The following LHFPL3 variants were observed in gnomAD, a reference collection of about 807,000 sequenced individuals.
The protein encoded by LHFPL3 is LHFPL tetraspan subfamily member 3 protein.
In LHFPL3, 5 loss-of-function variants were observed where a neutral mutation model predicts 19.3. That is an observed-to-expected ratio of 0.26 (90% CI 0.14 to 0.54). LHFPL3 has a LOEUF of 0.54. Among genes scored for constraint, LHFPL3 ranks in the 20% least tolerant of loss-of-function variants. The probability of loss-of-function intolerance (pLI) is 0.94; values close to 1 mark genes in which losing one functional copy is unlikely to be tolerated. For synonymous variants in LHFPL3, 133 were observed against 126.2 expected, an observed-to-expected ratio of 1.05 and a Z score of -0.36; for missense variants, 249 against 307.4, an observed-to-expected ratio of 0.81 and a Z score of 1.42.
intron 1 of LHFPL3, among the ~76,000 whole-genome samples, chr7:104,590,989 A>T (rs1790706713): frequency 1.3e-5 from 2 of 151,830 alleles, no homozygotes; most frequent in African/African-American, 4.8e-5. Context: ...CATCCCTTTA[A>T]TTTGAGCTTG....
At chr7:104,563,936 G>A (rs188864232) in intron 1 of LHFPL3, among the ~76,000 whole-genome samples, 60 of 152,320 alleles carry the variant, frequency 3.9e-4, no homozygotes, top group Non-Finnish European at 7.2e-4. Flanking sequence ...AGCAAATGGA[G>A]TTGCATAAAC....
chr7:104,803,400 C>T (rs563048424), intron 2 of LHFPL3: 1 of 152,328 alleles, frequency 6.6e-6, no homozygotes, highest in East Asian at 1.9e-4. Flanking sequence ...GTTCCAAAAT[C>T]GTTATTAGCC....
chr7:104,726,799 G>A (rs936535165), intron 1 of LHFPL3, among the ~76,000 whole-genome samples: 2 of 152,178 alleles, frequency 1.3e-5, no homozygotes, highest in Non-Finnish European at 2.9e-5. Context: ...ACATATGCAT[G>A]CATGTGTCTT....
chr7:104,418,029 C>A (rs773155032), intron 1 of LHFPL3, among the ~76,000 whole-genome samples: 1 of 151,722 alleles, frequency 6.6e-6, no homozygotes, highest in East Asian at 1.9e-4. Context: ...ATTACAGGGA[C>A]CATGCCCAGC....
intron 2 of LHFPL3, among the ~76,000 whole-genome samples, chr7:104,798,934 G>A (rs1790188253): frequency 6.6e-6 from 1 of 152,126 alleles, no homozygotes; most frequent in South Asian, 2.1e-4. Context: ...GAATTCTTTG[G>A]TGTAAACTGA....
At chr7:104,449,522 C>T (rs903880815) in intron 1 of LHFPL3, among the ~76,000 whole-genome samples, 7 of 152,046 alleles carry the variant, frequency 4.6e-5, no homozygotes, top group Non-Finnish European at 1.0e-4. Context: ...TCCCACAAAC[C>T]ACATCAGTCC....
intron 1 of LHFPL3, among the ~76,000 whole-genome samples, chr7:104,453,883 A>G (rs1282458782): frequency 2.0e-5 from 3 of 152,144 alleles, no homozygotes; most frequent in African/African-American, 4.8e-5. Context: ...GCCTTCCACC[A>G]TAATTGTAAG....
intron 1 of LHFPL3, among the ~76,000 whole-genome samples, chr7:104,454,742 C>G (rs564027161): frequency 6.6e-6 from 1 of 152,152 alleles, no homozygotes; most frequent in Non-Finnish European, 1.5e-5. Flanking sequence ...TTGTTTCCTT[C>G]TCTACCATCT....
At chr7:104,688,571 C>A (rs527686583) in intron 1 of LHFPL3, among the ~76,000 whole-genome samples, 9 of 111,630 alleles carry the variant, frequency 8.1e-5, no homozygotes, top group African/African-American at 1.8e-4. Flanking sequence ...TCCCCACCCC[C>A]CTGTGGTGGC....
At chr7:104,641,449 C>T (rs1449998948) in intron 1 of LHFPL3, among the ~76,000 whole-genome samples, 2 of 152,128 alleles carry the variant, frequency 1.3e-5, no homozygotes, top group Admixed American at 6.5e-5. Flanking sequence ...AGGATCTGAC[C>T]GATTGCTTGT....
intron 1 of LHFPL3, among the ~76,000 whole-genome samples, chr7:104,713,447 A>G (rs1313774342): frequency 6.6e-6 from 1 of 152,210 alleles, no homozygotes; most frequent in Non-Finnish European, 1.5e-5. Flanking sequence ...GGAAAAAGGC[A>G]TGTCTTACAT....
chr7:104,607,301 T>A (rs1037145796), intron 1 of LHFPL3, among the ~76,000 whole-genome samples: 7 of 152,328 alleles, frequency 4.6e-5, no homozygotes, highest in Non-Finnish European at 1.0e-4. Flanking sequence ...CAATGTCAGA[T>A]TTTTTCTCAC....
At chr7:104,366,034 T>G (rs1421352278) in intron 1 of LHFPL3, among the ~76,000 whole-genome samples, 1 of 152,184 alleles carries the variant, frequency 6.6e-6, no homozygotes, top group African/African-American at 2.4e-5. Flanking sequence ...GACATCTAAA[T>G]GTAAGACTGG....
At chr7:104,502,006 G>A (rs1793605165) in intron 1 of LHFPL3, among the ~76,000 whole-genome samples, 1 of 152,164 alleles carries the variant, frequency 6.6e-6, no homozygotes, top group Non-Finnish European at 1.5e-5. Context: ...TCTGCTTATT[G>A]TAAATGCATT....
At chr7:104,524,117 T>C (rs1017646452) in intron 1 of LHFPL3, among the ~76,000 whole-genome samples, 1 of 152,200 alleles carries the variant, frequency 6.6e-6, no homozygotes, top group African/African-American at 2.4e-5. Flanking sequence ...ATTATTGAGA[T>C]GTATTTATGG....
At chr7:104,676,704 G>A (rs974983027) in intron 1 of LHFPL3, among the ~76,000 whole-genome samples, 2 of 152,190 alleles carry the variant, frequency 1.3e-5, no homozygotes, top group East Asian at 1.9e-4. Flanking sequence ...CAAATAATGC[G>A]ATTTTTAAAT....
At chr7:104,410,815 A>G (rs1003259831) in intron 1 of LHFPL3, among the ~76,000 whole-genome samples, 1 of 152,254 alleles carries the variant, frequency 6.6e-6, no homozygotes, top group Admixed American at 6.5e-5. Flanking sequence ...TAAGAAGGAT[A>G]TTAGTAAACA....
At chr7:104,647,138 C>T (rs145913746) in intron 1 of LHFPL3, among the ~76,000 whole-genome samples, 1,579 of 152,304 alleles carry the variant, frequency 0.01, 16 homozygotes, top group Non-Finnish European at 0.015. Flanking sequence ...ACCAATCTTC[C>T]TGTTTTTACT....
chr7:104,405,676 T>C (rs1187352666), intron 1 of LHFPL3, among the ~76,000 whole-genome samples: 1 of 152,212 alleles, frequency 6.6e-6, no homozygotes, highest in East Asian at 1.9e-4. Flanking sequence ...AAGTCTATGA[T>C]TTTAACCACT....
Sources: gnomAD v4.1 joint callset for allele counts (sites outside exome capture counted in the v4.1 genomes callset) on GRCh38, gnomAD v4.1.1 for gene constraint, MANE v1.5 for transcripts, NCBI Gene and HGNC (gene_info 2026-07-23, HGNC 2026-07-21) for gene names.